The following PIGN variants were observed in gnomAD, a reference collection of about 807,000 sequenced individuals.
PIGN encodes GPI ethanolamine phosphate transferase 1.
A neutral mutation model predicts 125.4 loss-of-function variants in PIGN; 117 were observed. That is an observed-to-expected ratio of 0.93 (90% CI 0.80 to 1.09). PIGN has a LOEUF of 1.09. Among genes scored for constraint, PIGN ranks in the 50% least tolerant of loss-of-function variants. PIGN has a pLI of 0.00. For missense variants in PIGN, 1,075 were observed against 1,094.9 expected (o/e 0.98, Z 0.26); for synonymous variants, 392 against 377.8 (o/e 1.04, Z -0.44).
intron 30 of PIGN, among the ~76,000 whole-genome samples, chr18:62,062,570 C>T (rs1242194357): frequency 7.1e-6 from 1 of 141,798 alleles, no homozygotes; most frequent in Non-Finnish European, 1.6e-5. Context: ...TATAGCAGGC[C>T]ACCAGGCATA....
In PIGN at chr18:62,041,705, G is replaced by GT. The variant is rs1443040378; in HGVS notation, c.*4150dup. On this transcript the variant is annotated 3_prime_UTR_variant, in exon 31 of 31. Coordinates refer to ENST00000640252, the MANE Select transcript of PIGN (RefSeq NM_176787.5). ...TGTGTGTGTGTGTGTGTGTGTGTGT[G>GT]TTTAGTAGAGATGGGGTTTTGCCAT... The GT allele has an allele frequency of 2.2e-5, 3 of 137,310 alleles. No homozygotes were observed. Among genetic ancestry groups the GT allele is most frequent in the Admixed American group, 7.6e-5 (1 of 13,156 alleles). The allele number at this position is 137,310 out of a possible 1,614,324, so 8.5% of individuals were successfully genotyped here.
intron 23 of PIGN, among the ~76,000 whole-genome samples, chr18:62,029,268 A>G (rs1315435104): frequency 6.6e-6 from 1 of 152,110 alleles, no homozygotes; most frequent in African/African-American, 2.4e-5. Flanking sequence ...AACCATTTGG[A>G]TCTTCCCCCT....
chr18:62,113,374 TAAAGAAA>T, intron 15 of PIGN, 58 bp from the exon 16 acceptor site: 1 of 1,344,114 alleles, frequency 7.4e-7, no homozygotes. Flanking sequence ...ACCTACATTT[TAAAGAAA>T]GGAAAATTTT....
At chr18:62,146,573 A>G (rs1188278665) in intron 9 of PIGN, among the ~76,000 whole-genome samples, 2 of 152,204 alleles carry the variant, frequency 1.3e-5, no homozygotes, top group Non-Finnish European at 2.9e-5. Context: ...CTCTGTGCAC[A>G]CATTGCATTT....
At chr18:62,115,419 A>T (rs2035049893) in intron 14 of PIGN, among the ~76,000 whole-genome samples, 1 of 152,194 alleles carries the variant, frequency 6.6e-6, no homozygotes, top group Non-Finnish European at 1.5e-5. Flanking sequence ...ACTAAAACCT[A>T]CATGTCTAAA....
At chr18:62,028,030 A>G (rs2030147194) in intron 23 of PIGN, among the ~76,000 whole-genome samples, 1 of 152,166 alleles carries the variant, frequency 6.6e-6, no homozygotes. Context: ...TTCCAATATC[A>G]CCACTTACAC....
Position 62,145,978 on chromosome 18 carries a change from T to G in PIGN, c.853A>C (p.Thr285Pro). The G allele has an allele frequency of 6.2e-7, 1 of 1,608,484 alleles. No homozygotes were observed. The highest frequency in any genetic ancestry group is 8.5e-7 in the Non-Finnish European group (1 of 1,176,572). The change falls in exon 10 of 31, where the codon ACT becomes CCT. Residue 285 changes from threonine to proline, a missense_variant. Coordinates refer to ENST00000640252, the MANE Select transcript of PIGN (RefSeq NM_176787.5). ...GGATACTTGATTCCAGCTCCCCAAG[T>G]GACTAAAGGAGTTAAAGTCTCTGAA... ...HPSETLTPLV[T>P]WGAGIKYPQR...
At chr18:62,068,996 G>A (rs555995632) in intron 30 of PIGN, among the ~76,000 whole-genome samples, 15 of 152,232 alleles carry the variant, frequency 9.9e-5, no homozygotes, top group African/African-American at 3.6e-4. Flanking sequence ...GCCTGCTCAC[G>A]GATCTGCTTC....
At chr18:62,150,915 T>C (rs1163502125) in intron 7 of PIGN, among the ~76,000 whole-genome samples, 4 of 152,038 alleles carry the variant, frequency 2.6e-5, no homozygotes, top group African/African-American at 9.7e-5. Flanking sequence ...TTGGCCAGGA[T>C]GGTCTCAATC....
At chr18:62,160,639 CT>C (rs1173110414) in intron 4 of PIGN, among the ~76,000 whole-genome samples, 1 of 151,914 alleles carries the variant, frequency 6.6e-6, no homozygotes, top group Non-Finnish European at 1.5e-5. Flanking sequence ...TCCCAGGTAG[CT>C]AGGATTACAG....
At chr18:62,165,653 T>A (rs1313061089) in intron 1 of PIGN, among the ~76,000 whole-genome samples, 2 of 152,088 alleles carry the variant, frequency 1.3e-5, no homozygotes, top group Non-Finnish European at 2.9e-5. Context: ...AAGAATGACC[T>A]AGAGAGAGCC....
intron 14 of PIGN, among the ~76,000 whole-genome samples, chr18:62,118,851 GA>G (rs1296129295): frequency 7.0e-6 from 1 of 142,954 alleles, no homozygotes; most frequent in Non-Finnish European, 1.5e-5. Flanking sequence ...CTCAGGTAAA[GA>G]AAGAAAGGCC....
intron 17 of PIGN, chr18:62,107,366 G>A (rs940321915): frequency 1.3e-5 from 4 of 319,050 alleles, no homozygotes. Flanking sequence ...AGGCTGAAGA[G>A]GGCGGATCAC....
intron 30 of PIGN, chr18:62,069,456 C>T (rs2032713972): frequency 6.6e-6 from 1 of 152,188 alleles, no homozygotes; most frequent in East Asian, 1.9e-4. Flanking sequence ...GACAGATGAA[C>T]AGGTGAACAA....
chr18:62,045,916 G>A lies in PIGN; in HGVS notation c.2736C>T (p.Ala912=). 9 of 1,613,688 alleles carry A rather than the reference G, an allele frequency of 5.6e-6. No individual in the cohort carries two copies. Among genetic ancestry groups the A allele is most frequent in the Non-Finnish European group, 7.6e-6 (9 of 1,179,734 alleles). ...TIFLVFLNGL[A]QLLTTKKLRL... is the part of the protein sequence containing the mutation. ...TGAGTTTCTTCGTTGTGAGCAGCTG[G>A]GCCAGGCCATTGAGGAACACCAAAA... The change falls in exon 31 of 31, where the codon GCC becomes GCT. Residue 912 remains alanine (A), a synonymous_variant. Coordinates refer to ENST00000640252, the MANE Select transcript of PIGN (RefSeq NM_176787.5).
intron 1 of PIGN, among the ~76,000 whole-genome samples, chr18:62,175,802 A>G (rs1195099343): frequency 6.6e-6 from 1 of 152,178 alleles, no homozygotes; most frequent in Non-Finnish European, 1.5e-5. Flanking sequence ...TTTGAACTTT[A>G]TTTATTTTCC....
At chr18:62,026,973 C>T (rs975412797) in intron 23 of PIGN, among the ~76,000 whole-genome samples, 2 of 152,140 alleles carry the variant, frequency 1.3e-5, no homozygotes, top group African/African-American at 4.8e-5. Flanking sequence ...GAGGCCGAGG[C>T]AGGTGGATCA....
chr18:62,071,838 C>T (rs1396642940), intron 30 of PIGN, among the ~76,000 whole-genome samples: 1 of 126,826 alleles, frequency 7.9e-6, no homozygotes, highest in Non-Finnish European at 1.6e-5. Flanking sequence ...TATTTTTCAT[C>T]GTTTTTTAGA....
chr18:62,146,924 A>G (rs752110626), intron 9 of PIGN, 47 bp downstream of exon 9: 1 of 1,579,086 alleles, frequency 6.3e-7, no homozygotes, highest in Non-Finnish European at 8.7e-7. Flanking sequence ...AGCTACATTT[A>G]TCACTACTTT....
Sources: allele counts gnomAD v4.1 joint callset (sites outside exome capture counted in the v4.1 genomes callset), GRCh38; gene constraint gnomAD v4.1.1; transcripts MANE v1.5; gene names NCBI Gene and HGNC (gene_info 2026-07-23, HGNC 2026-07-21).